The following KIAA1328 variants were observed in gnomAD, a reference collection of about 807,000 sequenced individuals.
KIAA1328 encodes KIAA1328.
KIAA1328 carries 52 observed loss-of-function variants against 68.1 expected under a neutral mutation model. The observed-to-expected ratio is 0.76, with a 90% CI of 0.61 to 0.96. The LOEUF is 0.96. Among genes scored for constraint, KIAA1328 ranks in the 40% least tolerant of loss-of-function variants. KIAA1328 has a pLI of 0.00. For missense variants in KIAA1328, 641 were observed against 677.6 expected (o/e 0.95, Z 0.60); for synonymous variants, 232 against 239.4 (o/e 0.97, Z 0.28).
chr18:36,913,403 G>T (rs1250714252), intron 5 of KIAA1328, among the ~76,000 whole-genome samples: 2 of 150,692 alleles, frequency 1.3e-5, no homozygotes, highest in African/African-American at 2.4e-5. Flanking sequence ...TTCTGTGTAT[G>T]TTGGGGATTC....
At position 36,873,978 on chromosome 18, in the gene KIAA1328, G is replaced by A. The variant is rs1056880087; in HGVS notation, c.333-11579G>A. Among the ~76,000 whole-genome samples the A allele has an allele frequency of 2.0e-5, 3 of 152,110 alleles. No individual in the cohort carries two copies. The South Asian group carries it at 6.2e-4, about 32-fold the overall frequency. On this transcript the variant is annotated intron_variant, in intron 4 of 9. Transcript: ENST00000280020. ...CTGTGTTAGTTTGCTGAGAATGATG[G>A]TTTCCAGCTTCATCCATGTCCCTGC...
chr18:37,115,558 A>G (rs982813783), intron 7 of KIAA1328, among the ~76,000 whole-genome samples: 1 of 152,244 alleles, frequency 6.6e-6, no homozygotes, highest in African/African-American at 2.4e-5. Flanking sequence ...AGCCAATATC[A>G]TACTGAATGG....
At chr18:37,034,712 T>C (rs899103028) in intron 6 of KIAA1328, among the ~76,000 whole-genome samples, 4 of 152,204 alleles carry the variant, frequency 2.6e-5, no homozygotes, top group African/African-American at 9.6e-5. Flanking sequence ...ATATAGTTAC[T>C]AACAGGTTAA....
intron 7 of KIAA1328, among the ~76,000 whole-genome samples, chr18:37,116,852 A>T (rs572808262): frequency 1.3e-5 from 2 of 152,346 alleles, no homozygotes; most frequent in South Asian, 4.1e-4. Flanking sequence ...TGGGTGAAGG[A>T]TATGAACAGA....
At chr18:36,909,918 G>A (rs1344608827) in intron 5 of KIAA1328, among the ~76,000 whole-genome samples, 1 of 152,172 alleles carries the variant, frequency 6.6e-6, no homozygotes, top group Non-Finnish European at 1.5e-5. Context: ...TCTGTTGGCT[G>A]CATAAATGTC....
In KIAA1328 at chr18:37,000,074, A is replaced by T. The variant is rs180936548; in HGVS notation, c.576+40639A>T. 3.1e-3 allele frequency among the ~76,000 whole-genome samples: 468 copies of T among 150,846 alleles called. 3 individuals carry two copies. Among genetic ancestry groups the T allele is most frequent in the Middle Eastern group, 0.02 (6 of 294 alleles). ...GAATATACAGAATATTTAAATGGATAAAAAAAAATGATCCAACCATATGCT... is the reference window on the plus strand; with the variant it reads ...GAATATACAGAATATTTAAATGGATTAAAAAAAATGATCCAACCATATGCT... On this transcript the variant is annotated intron_variant, in intron 6 of 9. Coordinates refer to ENST00000280020, the MANE Select transcript of KIAA1328 (RefSeq NM_020776.3).
chr18:37,082,386 G>A (rs747709555), intron 7 of KIAA1328, among the ~76,000 whole-genome samples: 1 of 152,020 alleles, frequency 6.6e-6, no homozygotes, highest in South Asian at 2.1e-4. Flanking sequence ...TGGCCAGGCT[G>A]GTCTCAAACT....
In KIAA1328 at chr18:37,114,945, G is replaced by A. The variant is rs117801389; in HGVS notation, c.1233-45255G>A. ...ATGGATAAATTGCTCAACACATACA[G>A]CCTCCCAGACTAAACAAGGAAGAAG... On this transcript the variant is annotated intron_variant, in intron 7 of 9. Transcript: ENST00000280020. Among the ~76,000 whole-genome samples the A allele has an allele frequency of 5.3e-5, 8 of 152,062 alleles. No homozygotes were observed. The East Asian group carries it at 1.5e-3, about 29-fold the overall frequency.
At chr18:36,877,466 GT>G (rs940568410) in intron 4 of KIAA1328, among the ~76,000 whole-genome samples, 29 of 146,756 alleles carry the variant, frequency 2.0e-4, no homozygotes, top group African/African-American at 6.8e-4. Flanking sequence ...TTTAAACTCT[GT>G]TTTATCAGAG....
In KIAA1328 at chr18:37,160,347, A is replaced by G. The variant is rs761557658; in HGVS notation, c.1380A>G (p.Ser460=). 2.5e-6 allele frequency: 4 copies of G among 1,613,616 alleles called. No individual in the cohort carries two copies. The highest frequency in any genetic ancestry group is 3.4e-6 in the Non-Finnish European group (4 of 1,179,612). Residue 460 remains serine, a synonymous_variant, in exon 8 of 10, where the codon TCA becomes TCG. Transcript: ENST00000280020. ...ATATGAAAGATGATGCCCAGTGGTC[A>G]TGTCAAAAGAAAGATACATGTAGAC... The part of the protein sequence containing the change: ...HSHMKDDAQW[S]CQKKDTCRPQ...
chr18:37,136,190 C>A (rs761653136), intron 7 of KIAA1328, among the ~76,000 whole-genome samples: 6 of 152,122 alleles, frequency 3.9e-5, no homozygotes, highest in Non-Finnish European at 8.8e-5. Context: ...TAGCACTGGC[C>A]GTGTGTGTTG....
At chr18:37,206,581 T>G (rs898816446) in intron 9 of KIAA1328, among the ~76,000 whole-genome samples, 1 of 152,186 alleles carries the variant, frequency 6.6e-6, no homozygotes, top group African/African-American at 2.4e-5. Flanking sequence ...ACCTCTTTGA[T>G]CATTAGAAAG....
At chr18:37,010,042 G>A (rs977864146) in intron 6 of KIAA1328, among the ~76,000 whole-genome samples, 1 of 152,174 alleles carries the variant, frequency 6.6e-6, no homozygotes, top group African/African-American at 2.4e-5. Context: ...ATATAGCTGA[G>A]CAAAGCGTAT....
chr18:36,933,340 G>A (rs1318376226), intron 5 of KIAA1328, among the ~76,000 whole-genome samples: 4 of 152,084 alleles, frequency 2.6e-5, no homozygotes, highest in South Asian at 2.1e-4. Context: ...ATCTGCTCCC[G>A]GGCCTTGGTG....
At chr18:37,094,075 A>C (rs1016042831) in intron 7 of KIAA1328, among the ~76,000 whole-genome samples, 2 of 152,234 alleles carry the variant, frequency 1.3e-5, no homozygotes, top group African/African-American at 4.8e-5. Flanking sequence ...GTTTCACCTT[A>C]GATCATCAGG....
rs769200636 is a variant in KIAA1328 at position 36,959,448 on chromosome 18, A to C, written c.576+13A>C. ...GCAGGAACAGCAGGTAAGCATCTTTAATTTTACTTTTCTTGTCTTCAGTGG... is the reference window on the plus strand; with the variant it reads ...GCAGGAACAGCAGGTAAGCATCTTTCATTTTACTTTTCTTGTCTTCAGTGG... On this transcript the variant is annotated intron_variant, in intron 6 of 9. Transcript: ENST00000280020. The C allele has an allele frequency of 6.2e-7, 1 of 1,602,428 alleles. No homozygotes were observed. The highest frequency in any genetic ancestry group is 1.3e-5 in the African/African-American group (1 of 74,402).
chr18:36,846,954 C>T (rs1485692330), intron 4 of KIAA1328, among the ~76,000 whole-genome samples: 1 of 151,434 alleles, frequency 6.6e-6, no homozygotes, highest in Non-Finnish European at 1.5e-5. Context: ...TTCCCTCTTG[C>T]CCCTAGTAAT....
At chr18:37,023,160 T>G (rs371284006) in intron 6 of KIAA1328, among the ~76,000 whole-genome samples, 1 of 152,180 alleles carries the variant, frequency 6.6e-6, no homozygotes, top group African/African-American at 2.4e-5. Context: ...CCTCCCCAAG[T>G]GCTGGGATTA....
chr18:36,945,391 GC>G (rs932122824), intron 5 of KIAA1328, among the ~76,000 whole-genome samples: 6 of 150,860 alleles, frequency 4.0e-5, no homozygotes, highest in South Asian at 2.1e-4. Context: ...GACAATAACC[GC>G]CCCCCCCACG....
Sources: allele counts gnomAD v4.1 joint callset (sites outside exome capture counted in the v4.1 genomes callset), GRCh38; gene constraint gnomAD v4.1.1; transcripts MANE v1.5; gene names NCBI Gene and HGNC (gene_info 2026-07-23, HGNC 2026-07-21).